Variants in GMPS observed in about 807,000 individuals in gnomAD.
GMPS encodes GMP synthase [glutamine-hydrolyzing].
Under a neutral mutation model 77.9 loss-of-function variants are expected in GMPS, and 15 were observed. The observed-to-expected ratio is 0.19, with a 90% CI of 0.13 to 0.30. GMPS has a LOEUF of 0.30. Ranked by LOEUF, GMPS falls within the 10% of genes least tolerant of loss-of-function variation. GMPS has a pLI of 1.00. For synonymous variants in GMPS, 224 were observed against 275.9 expected, an observed-to-expected ratio of 0.81 and a Z score of 1.86; for missense variants, 590 against 838.8, an observed-to-expected ratio of 0.70 and a Z score of 3.66.
At chr3:155,890,059 A>C (rs1336617203) in intron 1 of GMPS, among the ~76,000 whole-genome samples, 1 of 152,188 alleles carries the variant, frequency 6.6e-6, no homozygotes, top group Admixed American at 6.5e-5. Context: ...AATAAATGCC[A>C]GGTTTTGAGG....
chr3:155,920,734 A>G (rs898472749), intron 10 of GMPS, among the ~76,000 whole-genome samples: 8 of 152,188 alleles, frequency 5.3e-5, no homozygotes, highest in South Asian at 2.1e-4. Context: ...GTAAGACTTC[A>G]TTGGCAAAAA....
intron 1 of GMPS, among the ~76,000 whole-genome samples, chr3:155,874,785 CTTT>C (rs1328555918): frequency 6.7e-6 from 1 of 149,778 alleles, no homozygotes; most frequent in Admixed American, 6.7e-5. Context: ...GTATTTGATA[CTTT>C]TTTAAGGTTA....
Position 155,944,007 on chromosome 3 carries a change from CAT to C in GMPS, c.*6320_*6321del, listed in dbSNP as rs1397160693. ...ACACATGCACTTATAAAATTAAAGT[CAT>C]ATATGTATATACACACAGACTTATG... On this transcript the variant is annotated 3_prime_UTR_variant, in exon 16 of 16. Coordinates refer to ENST00000496455, the MANE Select transcript of GMPS (RefSeq NM_003875.3). 1 of 152,100 alleles carries C rather than the reference CAT, an allele frequency of 6.6e-6. No individual in the cohort carries two copies. Among genetic ancestry groups the C allele is most frequent in the African/African-American group, 2.4e-5 (1 of 41,426 alleles). 9.4% of individuals were successfully genotyped at this position (152,100 alleles called of 1,614,324 possible).
At chr3:155,896,847 A>C (rs1480948016) in intron 2 of GMPS, among the ~76,000 whole-genome samples, 1 of 151,226 alleles carries the variant, frequency 6.6e-6, no homozygotes, top group African/African-American at 2.4e-5. Flanking sequence ...TCACTATTTA[A>C]AAAGTGTGTT....
rs558968350 is a variant in GMPS, at chr3:155,878,138, A to T, written c.27+7241A>T. Among the ~76,000 whole-genome samples the T allele has an allele frequency of 1.1e-3, 163 of 151,934 alleles. 1 individual carries two copies. The highest frequency in any genetic ancestry group is 1.9e-3 in the Non-Finnish European group (130 of 67,988). On this transcript the variant is annotated intron_variant, in intron 1 of 15. Coordinates refer to ENST00000496455, the MANE Select transcript of GMPS (RefSeq NM_003875.3). ...TGGGCTCTGCCCTCATGCTCTAACC[A>T]CCTCCCAAAGACCTCACCTCTTAAT...
Position 155,916,011 on chromosome 3 carries a change from G to A in GMPS, c.1039-8G>A. The A allele has an allele frequency of 6.2e-7, 1 of 1,607,168 alleles. No homozygotes were observed. Among genetic ancestry groups the A allele is most frequent in the Non-Finnish European group, 8.5e-7 (1 of 1,175,278 alleles). On this transcript the variant is annotated splice_polypyrimidine_tract_variant and splice_region_variant and intron_variant, in intron 8 of 15. Coordinates refer to ENST00000496455, the MANE Select transcript of GMPS (RefSeq NM_003875.3). ...CTTACAAGGCTGTTTTACTCCTGTTGATTATAGATTGCCAATGAAGTAATT... is the reference window on the plus strand; with the variant it reads ...CTTACAAGGCTGTTTTACTCCTGTTAATTATAGATTGCCAATGAAGTAATT...
intron 10 of GMPS, among the ~76,000 whole-genome samples, chr3:155,920,919 C>G (rs753085677): frequency 3.4e-4 from 51 of 152,100 alleles, no homozygotes; most frequent in Non-Finnish European, 5.6e-4. Flanking sequence ...TCTATGCACA[C>G]CTTGTGTTTT....
chr3:155,921,045 C>T (rs1755306884), intron 10 of GMPS, among the ~76,000 whole-genome samples: 1 of 152,062 alleles, frequency 6.6e-6, no homozygotes, highest in Admixed American at 6.5e-5. Flanking sequence ...AGTTCCAGAC[C>T]AGCCTGGCCA....
chr3:155,915,238 GTTT>G (rs35664957), intron 8 of GMPS, among the ~76,000 whole-genome samples: 6 of 133,162 alleles, frequency 4.5e-5, no homozygotes, highest in Non-Finnish European at 6.4e-5. Context: ...CTTTGTTTTT[GTTT>G]TTTTTTTTTT....
At chr3:155,935,728 G>A (rs1267700419) in intron 14 of GMPS, among the ~76,000 whole-genome samples, 1 of 152,116 alleles carries the variant, frequency 6.6e-6, no homozygotes. Flanking sequence ...TGATTTTGCT[G>A]TTTAAAATGG....
At chr3:155,920,891 G>A (rs1241225632) in intron 10 of GMPS, among the ~76,000 whole-genome samples, 2 of 152,146 alleles carry the variant, frequency 1.3e-5, no homozygotes, top group African/African-American at 4.8e-5. Context: ...AAAGCAGCAG[G>A]ATCCAGTTTT....
At chr3:155,932,911 G>A (rs183196778) in intron 13 of GMPS, among the ~76,000 whole-genome samples, 46 of 152,308 alleles carry the variant, frequency 3.0e-4, no homozygotes, top group Admixed American at 1.0e-3. Flanking sequence ...AATAATGGGG[G>A]CCAGGCATGG....
chr3:155,907,472 C>T (rs950127158), intron 5 of GMPS, among the ~76,000 whole-genome samples: 1 of 151,986 alleles, frequency 6.6e-6, no homozygotes, highest in Non-Finnish European at 1.5e-5. Context: ...ATTTGCAGTC[C>T]TAGCTACTCA....
intron 1 of GMPS, among the ~76,000 whole-genome samples, chr3:155,875,403 G>A (rs1754021373): frequency 6.6e-6 from 1 of 151,568 alleles, no homozygotes; most frequent in Admixed American, 6.6e-5. Context: ...GCTAACTTTT[G>A]TATTTTTAGT....
chr3:155,921,442 C>T (rs1017514401), intron 10 of GMPS, among the ~76,000 whole-genome samples: 9 of 152,220 alleles, frequency 5.9e-5, no homozygotes, highest in Middle Eastern at 6.8e-3. Flanking sequence ...TTATTAAAAA[C>T]TTTGGATGAG....
At chr3:155,889,639 C>G (rs1444734262) in intron 1 of GMPS, among the ~76,000 whole-genome samples, 1 of 152,122 alleles carries the variant, frequency 6.6e-6, no homozygotes, top group African/African-American at 2.4e-5. Flanking sequence ...TCTAGTTGTT[C>G]AGTAATTATG....
Position 155,940,523 on chromosome 3 carries a change from A to G in GMPS, c.*2831A>G, listed in dbSNP as rs933383882. 12 of 216,088 alleles carry G rather than the reference A, an allele frequency of 5.6e-5. No homozygotes were observed. The highest frequency in any genetic ancestry group is 2.7e-4 in the African/African-American group (12 of 44,428). The allele number at this position is 216,088 out of a possible 1,614,324, so 13.4% of individuals were successfully genotyped here. On this transcript the variant is annotated 3_prime_UTR_variant, in exon 16 of 16. Coordinates refer to ENST00000496455, the MANE Select transcript of GMPS (RefSeq NM_003875.3). ...ACTGAATAACTTGACCCTAACCTGTAGAGAATAAGAGCATTCAAATTAGGA... is the reference window on the plus strand; with the variant it reads ...ACTGAATAACTTGACCCTAACCTGTGGAGAATAAGAGCATTCAAATTAGGA...
chr3:155,883,138 C>T (rs1232480567), intron 1 of GMPS, among the ~76,000 whole-genome samples: 4 of 152,066 alleles, frequency 2.6e-5, no homozygotes, highest in African/African-American at 9.7e-5. Context: ...GTGGCACTAT[C>T]TCAGCTCACT....
At chr3:155,915,243 T>TG (rs1047249710) in intron 8 of GMPS, among the ~76,000 whole-genome samples, 8 of 151,424 alleles carry the variant, frequency 5.3e-5, no homozygotes, top group South Asian at 2.1e-4. Context: ...TTTTTGTTTT[T>TG]TTTTTTTTTT....
Sources: allele counts gnomAD v4.1 joint callset (sites outside exome capture counted in the v4.1 genomes callset), GRCh38; gene constraint gnomAD v4.1.1; transcripts MANE v1.5; gene names NCBI Gene and HGNC (gene_info 2026-07-23, HGNC 2026-07-21).